The following MAF variants were observed in gnomAD, a reference collection of about 807,000 sequenced individuals.
The protein encoded by MAF is MAF bZIP transcription factor.
A neutral mutation model predicts 22.0 loss-of-function variants in MAF; 10 were observed. The observed-to-expected ratio is 0.45, with a 90% CI of 0.28 to 0.77. The LOEUF is 0.77. Among genes scored for constraint, MAF ranks in the 30% least tolerant of loss-of-function variants. The pLI is 0.12. For missense variants in MAF, 544 were observed against 548.4 expected, an observed-to-expected ratio of 0.99 and a Z score of 0.08; for synonymous variants, 337 against 255.8, an observed-to-expected ratio of 1.32 and a Z score of -3.03.
the MAF span, among the ~76,000 whole-genome samples, chr16:79,551,538 T>A: frequency 6.6e-6 from 1 of 152,184 alleles, no homozygotes; most frequent in East Asian, 1.9e-4. Context: ...CCAGGACCTT[T>A]TGAAACAGAA....
chr16:79,332,068 G>A, the MAF span, among the ~76,000 whole-genome samples: 3 of 152,280 alleles, frequency 2.0e-5, no homozygotes, highest in Non-Finnish European at 4.4e-5. Flanking sequence ...TATTCCTAGA[G>A]GAGTCCTTAG....
At chr16:79,486,500 C>A in the MAF span, among the ~76,000 whole-genome samples, 1 of 152,120 alleles carries the variant, frequency 6.6e-6, no homozygotes. Context: ...TTTCATATCA[C>A]CCTGATTTCA....
the MAF span, among the ~76,000 whole-genome samples, chr16:79,452,951 G>T: frequency 6.6e-6 from 1 of 152,188 alleles, no homozygotes; most frequent in African/African-American, 2.4e-5. Context: ...AATTAATTTT[G>T]CATTAAGCCT....
At chr16:79,535,866 C>T in the MAF span, among the ~76,000 whole-genome samples, 13 of 152,234 alleles carry the variant, frequency 8.5e-5, no homozygotes, top group East Asian at 5.8e-4. Context: ...CCACCACACC[C>T]GGCTGCATTG....
chr16:79,229,302 T>A, the MAF span: 4 of 150,856 alleles, frequency 2.7e-5, no homozygotes, highest in Non-Finnish European at 5.9e-5. Context: ...GCAGGGTCAG[T>A]GACTCACGGA....
rs1434004468 is a variant in MAF, at chr16:79,598,467, A to AAC, written c.1118+317_1118+318insGT. On this transcript the variant is annotated intron_variant, in intron 1 of 1. Transcript: ENST00000326043. ...GGGCGGGGGGGTGTAAAAAAAAAAA[A>AAC]AAAACAAGCTAGCAAGTTATGGAGA... 8.5e-6 allele frequency: 11 copies of AAC among 1,300,726 alleles called. No individual in the cohort carries two copies. In the East Asian group the frequency reaches 1.7e-4, roughly 20 times the overall value. The allele number at this position is 1,300,726 out of a possible 1,614,324, so 80.6% of individuals were successfully genotyped here. A position where few individuals can be genotyped will look rare whatever the true frequency, so the allele number is the denominator to read the frequency against.
chr16:79,497,607 G>A, the MAF span, among the ~76,000 whole-genome samples: 1 of 152,202 alleles, frequency 6.6e-6, no homozygotes, highest in Non-Finnish European at 1.5e-5. Context: ...TGGGTCTACA[G>A]TGACCCCAAG....
chr16:79,243,120 C>G, the MAF span, among the ~76,000 whole-genome samples: 1 of 151,834 alleles, frequency 6.6e-6, no homozygotes, highest in Non-Finnish European at 1.5e-5. Flanking sequence ...AATCGACACC[C>G]TAACATCACA....
chr16:79,453,308 T>G, the MAF span, among the ~76,000 whole-genome samples: 1 of 152,108 alleles, frequency 6.6e-6, no homozygotes, highest in African/African-American at 2.4e-5. Flanking sequence ...GTCAAACTCC[T>G]CCCTCTCTGC....
the MAF span, among the ~76,000 whole-genome samples, chr16:79,209,742 T>C: frequency 6.6e-6 from 1 of 152,206 alleles, no homozygotes; most frequent in African/African-American, 2.4e-5. Context: ...AATTCTCCAA[T>C]TTGTCTTTAG....
chr16:79,542,373 GGTGA>G, the MAF span, among the ~76,000 whole-genome samples: 13 of 152,180 alleles, frequency 8.5e-5, no homozygotes, highest in East Asian at 1.9e-4. Flanking sequence ...CATGCCACGT[GGTGA>G]GTAAGTGCCT....
the MAF span, among the ~76,000 whole-genome samples, chr16:79,357,625 G>C: frequency 1.3e-5 from 2 of 152,114 alleles, no homozygotes; most frequent in African/African-American, 2.4e-5. Context: ...CTCTGTCTTT[G>C]AACATCATGT....
the MAF span, among the ~76,000 whole-genome samples, chr16:79,322,380 CTG>C: frequency 1.3e-5 from 2 of 152,134 alleles, no homozygotes; most frequent in Non-Finnish European, 2.9e-5. Context: ...CTGGGTCACT[CTG>C]TGGATTCAGT....
chr16:79,366,700 T>C, the MAF span, among the ~76,000 whole-genome samples: 1 of 152,228 alleles, frequency 6.6e-6, no homozygotes, highest in Non-Finnish European at 1.5e-5. Context: ...ACTAGGAACC[T>C]CCCTATGGGG....
chr16:79,266,407 A>T, the MAF span, among the ~76,000 whole-genome samples: 1 of 152,194 alleles, frequency 6.6e-6, no homozygotes, highest in African/African-American at 2.4e-5. Flanking sequence ...AGGGGTTCTG[A>T]GGACTCCCAG....
At chr16:79,543,380 T>C in the MAF span, among the ~76,000 whole-genome samples, 1 of 152,124 alleles carries the variant, frequency 6.6e-6, no homozygotes, top group Admixed American at 6.5e-5. Context: ...ATACACAAAA[T>C]GGGAATGGTG....
chr16:79,550,338 G>A, the MAF span, among the ~76,000 whole-genome samples: 11 of 67,098 alleles, frequency 1.6e-4, no homozygotes, highest in African/African-American at 4.5e-4. Context: ...AGGGGGAAAG[G>A]AGAGAGAGAG....
chr16:79,239,252 AG>A, the MAF span, among the ~76,000 whole-genome samples: 2 of 152,016 alleles, frequency 1.3e-5, no homozygotes, highest in Non-Finnish European at 2.9e-5. Context: ...CTAGGCTCCT[AG>A]TTTGTGCGCA....
chr16:79,511,397 T>C, the MAF span, among the ~76,000 whole-genome samples: 1 of 152,070 alleles, frequency 6.6e-6, no homozygotes, highest in African/African-American at 2.4e-5. Flanking sequence ...TATATGAGAG[T>C]CCAAAATTTG....
Sources: allele counts gnomAD v4.1 joint callset (sites outside exome capture counted in the v4.1 genomes callset), GRCh38; gene constraint gnomAD v4.1.1; transcripts MANE v1.5; gene names NCBI Gene and HGNC (gene_info 2026-07-23, HGNC 2026-07-21).